The following TPP2 variants were observed in gnomAD, a reference collection of about 807,000 sequenced individuals.
The protein encoded by TPP2 is tripeptidyl peptidase 2.
A neutral mutation model predicts 155.9 loss-of-function variants in TPP2; 34 were observed. The ratio of observed to expected loss-of-function variants is 0.22; its 90% CI spans 0.17 to 0.29. TPP2 has a LOEUF of 0.29. Ranked by LOEUF, TPP2 falls within the 10% of genes least tolerant of loss-of-function variation. The pLI is 1.00. For synonymous variants in TPP2, 510 were observed against 529.4 expected (o/e 0.96, Z 0.50); for missense variants, 1,028 against 1,522.3 (o/e 0.68, Z 5.40).
intron 5 of TPP2, among the ~76,000 whole-genome samples, chr13:102,620,803 T>C (rs548078043): frequency 6.6e-6 from 1 of 152,320 alleles, no homozygotes; most frequent in East Asian, 1.9e-4. Flanking sequence ...AAACAGTGTT[T>C]ACAGAGGATT....
intron 5 of TPP2, among the ~76,000 whole-genome samples, chr13:102,620,387 T>G (rs1483348844): frequency 6.6e-6 from 1 of 152,220 alleles, no homozygotes; most frequent in African/African-American, 2.4e-5. Flanking sequence ...TAATTATACT[T>G]TCAGGTGGTA....
intron 4 of TPP2, among the ~76,000 whole-genome samples, chr13:102,618,076 A>G (rs183180495): frequency 5.4e-4 from 82 of 152,244 alleles, no homozygotes; most frequent in African/African-American, 1.9e-3. Context: ...ATTTTTTTAT[A>G]TACACTCTAG....
In TPP2 at chr13:102,605,052, C is replaced by G. The variant is rs1291171028; in HGVS notation, c.294+131C>G. 1.4e-5 allele frequency: 20 copies of G among 1,382,798 alleles called. No homozygotes were observed. In the East Asian group the frequency reaches 4.7e-4, roughly 32 times the overall value. The allele number at this position is 1,382,798 out of a possible 1,614,324, so 85.7% of individuals were successfully genotyped here. ...ACATATCAGATTACCTCAGAACATC[C>G]TGGTTTAAAATGACAAATATTTATT... On this transcript the variant is annotated intron_variant, in intron 2 of 29. Transcript: ENST00000376052.
At chr13:102,641,918 G>A (rs1882791753) in intron 16 of TPP2, among the ~76,000 whole-genome samples, 1 of 152,114 alleles carries the variant, frequency 6.6e-6, no homozygotes, top group African/African-American at 2.4e-5. Context: ...CTTAGACAAG[G>A]ACCCTGCTTC....
intron 2 of TPP2, among the ~76,000 whole-genome samples, chr13:102,608,809 C>G (rs1880043414): frequency 6.6e-6 from 1 of 152,048 alleles, no homozygotes; most frequent in Non-Finnish European, 1.5e-5. Flanking sequence ...TCTCTGCCTC[C>G]TCTTCCTTGT....
chr13:102,615,413 G>C (rs1052228582), intron 3 of TPP2, among the ~76,000 whole-genome samples: 7 of 152,078 alleles, frequency 4.6e-5, no homozygotes, highest in African/African-American at 1.7e-4. Context: ...TTCTCCCAAA[G>C]TGCTGGGACT....
Position 102,629,510 on chromosome 13 carries a change from G to A in TPP2, c.1045G>A (p.Val349Ile). Reference protein sequence around the residue: ...GRICEVINEAVWKHNIIYVSS... With the variant: ...GRICEVINEAIWKHNIIYVSS... ...AATTTGTGAAGTAATTAATGAAGCA[G>A]TATGGAAGCATAATATAATTTATGT... The change falls in exon 9 of 30, where the codon GTA becomes ATA. Residue 349 changes from valine (V) to isoleucine (I), a missense_variant. Transcript: ENST00000376052. 1 of 1,522,530 alleles carries A rather than the reference G, an allele frequency of 6.6e-7. No individual in the cohort carries two copies. Among genetic ancestry groups the A allele is most frequent in the Non-Finnish European group, 8.7e-7 (1 of 1,145,674 alleles). 94.3% of individuals were successfully genotyped at this position (1,522,530 alleles called of 1,614,324 possible). A position where few individuals can be genotyped will look rare whatever the true frequency, so the allele number is the denominator to read the frequency against.
chr13:102,612,798 G>GT (rs1880423199), intron 2 of TPP2, among the ~76,000 whole-genome samples: 1 of 151,892 alleles, frequency 6.6e-6, no homozygotes, highest in Non-Finnish European at 1.5e-5. Context: ...TGTACTTTAT[G>GT]TTTTTTTAAG....
chr13:102,608,782 A>T (rs1880040990), intron 2 of TPP2, among the ~76,000 whole-genome samples: 7 of 145,680 alleles, frequency 4.8e-5, no homozygotes, highest in African/African-American at 1.0e-4. Context: ...CTTTTTCTTC[A>T]CCCTCTCCTT....
chr13:102,651,965 A>G lies in TPP2; in HGVS notation c.2991+568A>G, dbSNP rs60718676. Among the ~76,000 whole-genome samples, 749 of 152,336 alleles carry G rather than the reference A, an allele frequency of 4.9e-3. 7 individuals are homozygous for G. The highest frequency in any genetic ancestry group is 0.017 in the African/African-American group (712 of 41,568). ...GACAATTAAAGCTTATGCTAAGAAC[A>G]CAGATTTTAAGCCCATCGCTACTAA... On this transcript the variant is annotated intron_variant, in intron 24 of 29. Coordinates refer to ENST00000376052, the MANE Select transcript of TPP2 (RefSeq NM_001330588.2).
chr13:102,602,702 G>A (rs1879519134), intron 1 of TPP2, among the ~76,000 whole-genome samples: 1 of 152,156 alleles, frequency 6.6e-6, no homozygotes, highest in South Asian at 2.1e-4. Context: ...GAGCTTGGAG[G>A]TTATTGCAGA....
At chr13:102,644,382 T>A (rs1484125835) in intron 17 of TPP2, among the ~76,000 whole-genome samples, 175 bp from the exon 18 acceptor site, 1 of 152,220 alleles carries the variant, frequency 6.6e-6, no homozygotes, top group Non-Finnish European at 1.5e-5. Context: ...ATACACCATA[T>A]CTCTGCAAAT....
intron 2 of TPP2, among the ~76,000 whole-genome samples, chr13:102,608,746 A>T (rs1291802587): frequency 1.3e-5 from 2 of 151,452 alleles, no homozygotes; most frequent in Non-Finnish European, 2.9e-5. Flanking sequence ...TTAGTCTCCT[A>T]TTCTGCTTCC....
chr13:102,634,557 T>G (rs1290973720), intron 11 of TPP2, among the ~76,000 whole-genome samples: 1 of 152,168 alleles, frequency 6.6e-6, no homozygotes, highest in Non-Finnish European at 1.5e-5. Context: ...GACTCAGATT[T>G]AGGGTAGCCA....
intron 10 of TPP2, among the ~76,000 whole-genome samples, chr13:102,633,681 G>A (rs1193673865): frequency 6.6e-6 from 1 of 152,138 alleles, no homozygotes; most frequent in Non-Finnish European, 1.5e-5. Flanking sequence ...ACCTGACACT[G>A]TGGCCTGTCA....
At chr13:102,619,814 G>A (rs554415982) in intron 5 of TPP2, among the ~76,000 whole-genome samples, 2 of 152,272 alleles carry the variant, frequency 1.3e-5, no homozygotes, top group Admixed American at 6.5e-5. Context: ...TTTGTTGTGT[G>A]CATATGCATA....
At chr13:102,609,298 A>G (rs991840880) in intron 2 of TPP2, among the ~76,000 whole-genome samples, 5 of 64,438 alleles carry the variant, frequency 7.8e-5, no homozygotes, top group African/African-American at 4.0e-4. Flanking sequence ...GTCCCAGGAA[A>G]CTTACAATCA....
intron 6 of TPP2, 27 bp downstream of exon 6, chr13:102,623,067 G>C: frequency 1.3e-6 from 2 of 1,598,658 alleles, no homozygotes; most frequent in South Asian, 2.3e-5. Context: ...TGACCAATGA[G>C]ATATAGATTT....
At chr13:102,632,926 C>T (rs1002260226) in intron 10 of TPP2, among the ~76,000 whole-genome samples, 4 of 152,138 alleles carry the variant, frequency 2.6e-5, no homozygotes, top group African/African-American at 9.7e-5. Context: ...AGTAATTGTT[C>T]TAAGATGGTT....
Sources: allele counts gnomAD v4.1 joint callset (sites outside exome capture counted in the v4.1 genomes callset), GRCh38; gene constraint gnomAD v4.1.1; transcripts MANE v1.5; gene names NCBI Gene and HGNC (gene_info 2026-07-23, HGNC 2026-07-21).